ADAM32: variants seen among roughly 807,000 people sequenced by gnomAD.
ADAM32 encodes disintegrin and metalloproteinase domain-containing protein 32.
A neutral mutation model predicts 114.9 loss-of-function variants in ADAM32; 89 were observed. The observed-to-expected ratio is 0.77, with a 90% CI of 0.65 to 0.92. The LOEUF (loss-of-function observed/expected upper bound fraction) is 0.92. Ranked by LOEUF, ADAM32 falls within the 40% of genes least tolerant of loss-of-function variation. The pLI is 0.00. For missense variants in ADAM32, 870 were observed against 932.8 expected, an observed-to-expected ratio of 0.93 and a Z score of 0.88; for synonymous variants, 285 against 307.5, an observed-to-expected ratio of 0.93 and a Z score of 0.77.
At chr8:39,227,565 C>T (rs925594310) in intron 14 of ADAM32, among the ~76,000 whole-genome samples, 1 of 152,138 alleles carries the variant, frequency 6.6e-6, no homozygotes, top group Non-Finnish European at 1.5e-5. Context: ...AGCTTTCCCC[C>T]ACTTCCGTGA....
intron 22 of ADAM32, chr8:39,276,297 GAA>G (rs34083242): frequency 2.9e-4 from 41 of 142,024 alleles, no homozygotes; most frequent in East Asian, 1.2e-3. Context: ...AGAATTTGTT[GAA>G]AAAAAAAAAA....
chr8:39,185,862 C>T (rs1165628769), intron 10 of ADAM32, among the ~76,000 whole-genome samples: 2 of 151,650 alleles, frequency 1.3e-5, no homozygotes, highest in Non-Finnish European at 2.9e-5. Flanking sequence ...GACTAATGTT[C>T]CAGCTATCGT....
rs771112631 is a variant in ADAM32, at chr8:39,170,007, T to C, written c.915+10T>C. Reference sequence around the variant, plus strand: ...TGCAGGAGTTGCATTGGTATGTAACTATTTAATCTTATTTTTTAAATTAAC... The same window carrying C: ...TGCAGGAGTTGCATTGGTATGTAACCATTTAATCTTATTTTTTAAATTAAC... On this transcript the variant is annotated intron_variant, in intron 10 of 24. Coordinates refer to ENST00000379907, the MANE Select transcript of ADAM32 (RefSeq NM_145004.7). The C allele has an allele frequency of 1.4e-5, 21 of 1,533,410 alleles. No homozygotes were observed. The Admixed American group carries it at 3.6e-4, about 26-fold the overall frequency. The allele number at this position is 1,533,410 out of a possible 1,614,324, so 95.0% of individuals were successfully genotyped here.
At chr8:39,180,056 C>T (rs1805755546) in intron 10 of ADAM32, among the ~76,000 whole-genome samples, 1 of 152,172 alleles carries the variant, frequency 6.6e-6, no homozygotes, top group Admixed American at 6.5e-5. Flanking sequence ...CTGTGGGAGC[C>T]CCTTTCTGGG....
chr8:39,136,592 T>C, intron 2 of ADAM32, 65 bp from the exon 3 acceptor site: 1 of 1,034,624 alleles, frequency 9.7e-7, no homozygotes, highest in Non-Finnish European at 1.4e-6. Flanking sequence ...TTAATTGATA[T>C]AAAACTGTTG....
intron 6 of ADAM32, among the ~76,000 whole-genome samples, chr8:39,152,270 A>C (rs1037747269): frequency 1.3e-5 from 2 of 152,218 alleles, no homozygotes; most frequent in African/African-American, 2.4e-5. Flanking sequence ...CAGTGAACAC[A>C]CTATGTAACT....
intron 12 of ADAM32, among the ~76,000 whole-genome samples, chr8:39,213,406 A>C (rs979532128): frequency 2.0e-5 from 3 of 150,724 alleles, no homozygotes; most frequent in Non-Finnish European, 4.5e-5. Flanking sequence ...CTACTGTACT[A>C]TTGAGTGCTA....
At chr8:39,219,414 G>T (rs1366918312) in intron 12 of ADAM32, among the ~76,000 whole-genome samples, 3 of 152,292 alleles carry the variant, frequency 2.0e-5, no homozygotes, top group Middle Eastern at 3.4e-3. Flanking sequence ...GGTGAGGCTT[G>T]CTGGAACTCA....
intron 19 of ADAM32, among the ~76,000 whole-genome samples, chr8:39,269,221 GCCTCAGTTTC>G (rs1056785445): frequency 2.6e-5 from 4 of 152,146 alleles, no homozygotes; most frequent in Non-Finnish European, 4.4e-5. Context: ...ACTGGGATTT[GCCTCAGTTTC>G]CCTCATTGCA....
intron 17 of ADAM32, among the ~76,000 whole-genome samples, chr8:39,254,011 A>G (rs1013238793): frequency 6.6e-6 from 1 of 151,714 alleles, no homozygotes. Context: ...CCAGAACAGG[A>G]TGTTACTGTC....
chr8:39,284,708 C>T lies in ADAM32; in HGVS notation c.2358-85C>T. On this transcript the variant is annotated intron_variant, in intron 24 of 24. Coordinates refer to ENST00000379907, the MANE Select transcript of ADAM32 (RefSeq NM_145004.7). ...TTTTTCGTGCCACATGAATTTTCCA[C>T]TTGGCAATACCTCAGCTGCTTGTAC... The T allele has an allele frequency of 5.5e-6, 8 of 1,458,160 alleles. No homozygotes were observed. In the South Asian group the frequency reaches 9.7e-5, roughly 18 times the overall value. The allele number at this position is 1,458,160 out of a possible 1,614,324, so 90.3% of individuals were successfully genotyped here. A position where few individuals can be genotyped will look rare whatever the true frequency, so the allele number is the denominator to read the frequency against.
intron 1 of ADAM32, among the ~76,000 whole-genome samples, chr8:39,113,596 A>C (rs992733889): frequency 1.2e-4 from 18 of 152,144 alleles, no homozygotes; most frequent in African/African-American, 4.3e-4. Context: ...AGCATGCTGC[A>C]ACCACTGGAC....
At chr8:39,238,143 A>T (rs1296830046) in intron 16 of ADAM32, among the ~76,000 whole-genome samples, 1 of 152,226 alleles carries the variant, frequency 6.6e-6, no homozygotes, top group Non-Finnish European at 1.5e-5. Flanking sequence ...GCACTAAACA[A>T]GACTATAACC....
intron 5 of ADAM32, 121 bp from the exon 6 acceptor site, chr8:39,151,256 C>G: frequency 1.2e-6 from 1 of 834,998 alleles, no homozygotes; most frequent in Non-Finnish European, 1.8e-6. Context: ...ATCTCTAAGA[C>G]AGAATTCAGA....
chr8:39,143,884 G>A (rs1803335909), intron 3 of ADAM32, among the ~76,000 whole-genome samples: 2 of 152,112 alleles, frequency 1.3e-5, no homozygotes. Flanking sequence ...CGTGCTTCCT[G>A]GCCACTTTGT....
chr8:39,175,974 G>C (rs1805502548), intron 10 of ADAM32, among the ~76,000 whole-genome samples: 1 of 152,096 alleles, frequency 6.6e-6, no homozygotes, highest in South Asian at 2.1e-4. Context: ...CGTGCATAGA[G>C]GTGTTTACAG....
intron 10 of ADAM32, among the ~76,000 whole-genome samples, chr8:39,181,441 G>T (rs1805887079): frequency 6.6e-6 from 1 of 152,134 alleles, no homozygotes; most frequent in South Asian, 2.1e-4. Context: ...ACAAACTCCA[G>T]ACACGCCACC....
At chr8:39,186,558 T>C (rs1585488032) in intron 10 of ADAM32, among the ~76,000 whole-genome samples, 2 of 152,162 alleles carry the variant, frequency 1.3e-5, no homozygotes, top group Non-Finnish European at 2.9e-5. Context: ...AAATGAGTAT[T>C]AGAGCTCTTG....
intron 19 of ADAM32, among the ~76,000 whole-genome samples, chr8:39,261,361 TC>T (rs1812017894): frequency 1.3e-5 from 2 of 152,198 alleles, no homozygotes; most frequent in African/African-American, 4.8e-5. Context: ...ACAACATACT[TC>T]AGTTGCATCT....
Sources: gnomAD v4.1 joint callset for allele counts (sites outside exome capture counted in the v4.1 genomes callset) on GRCh38, gnomAD v4.1.1 for gene constraint, MANE v1.5 for transcripts, NCBI Gene and HGNC (gene_info 2026-07-23, HGNC 2026-07-21) for gene names.